RNF10: variants seen among roughly 807,000 people sequenced by gnomAD.
RNF10 encodes ring finger protein 10, also known as E3 ubiquitin-protein ligase RNF10.
Under a neutral mutation model 91.4 loss-of-function variants are expected in RNF10, and 38 were observed. The ratio of observed to expected loss-of-function variants is 0.42; its 90% CI spans 0.32 to 0.54. The LOEUF (loss-of-function observed/expected upper bound fraction) is 0.54, where lower values mean the gene tolerates loss of function less well. RNF10 is among the 20% of genes least tolerant of loss of function. RNF10 has a pLI of 0.16. For synonymous variants in RNF10, 364 were observed against 366.3 expected, an observed-to-expected ratio of 0.99 and a Z score of 0.07; for missense variants, 945 against 1,012.0, an observed-to-expected ratio of 0.93 and a Z score of 0.90.
Position 120,565,340 on chromosome 12 carries a change from A to G in RNF10, c.1784-88A>G, listed in dbSNP as rs769443680. ...CTGTTCATCTAGTCCAGCTGGGCCT[A>G]CTGTTGTGGGTTTAGCTGCTAATAC... is the stretch of plus-strand genomic sequence containing the variant. On this transcript the variant is annotated intron_variant, in intron 11 of 16. Coordinates refer to ENST00000325954, the MANE Select transcript of RNF10 (RefSeq NM_014868.5). The G allele has an allele frequency of 1.1e-5, 14 of 1,283,146 alleles. 1 individual carries two copies. Among genetic ancestry groups the G allele is most frequent in the Middle Eastern group, 1.8e-4 (1 of 5,420 alleles). The allele number at this position is 1,283,146 out of a possible 1,614,324, so 79.5% of individuals were successfully genotyped here.
chr12:120,559,176 C>CTTTTTTTTTTTTTTTT (rs34120761), intron 6 of RNF10, among the ~76,000 whole-genome samples: 1 of 95,808 alleles, frequency 1.0e-5, no homozygotes, highest in African/African-American at 5.5e-5. Flanking sequence ...TTGAACTACT[C>CTTTTTTTTTTTTTTTT]TTTTTTTTTT....
intron 14 of RNF10, among the ~76,000 whole-genome samples, chr12:120,573,516 A>C (rs1354893153): frequency 6.6e-6 from 1 of 152,164 alleles, no homozygotes; most frequent in Non-Finnish European, 1.5e-5. Flanking sequence ...TTCACATGTC[A>C]AACTATTTGG....
intron 1 of RNF10, among the ~76,000 whole-genome samples, chr12:120,545,600 C>T (rs1482107261): frequency 1.3e-5 from 2 of 151,772 alleles, no homozygotes; most frequent in African/African-American, 2.4e-5. Flanking sequence ...TGCTGTGGCA[C>T]GATCTCGGCT....
At chr12:120,564,976 T>C in intron 10 of RNF10, 96 bp from the exon 11 acceptor site, 1 of 770,304 alleles carries the variant, frequency 1.3e-6, no homozygotes, top group Non-Finnish European at 2.3e-6. Flanking sequence ...CAGTGCTGGC[T>C]GTGTTATGTA....
chr12:120,548,153 C>A (rs561001183), intron 2 of RNF10, among the ~76,000 whole-genome samples: 119 of 152,184 alleles, frequency 7.8e-4, no homozygotes, highest in African/African-American at 2.7e-3. Flanking sequence ...TAAAGAACTT[C>A]AGTTTGGAAA....
chr12:120,576,686 C>T lies in RNF10; in HGVS notation c.*20C>T. ...AAGTGACACTACTGGCCCAGGCTAC[C>T]TTCTCCATCTGGTTTTTGTTTTTGT... On this transcript the variant is annotated 3_prime_UTR_variant, in exon 17 of 17. Coordinates refer to ENST00000325954, the MANE Select transcript of RNF10 (RefSeq NM_014868.5). 1 of 1,594,470 alleles carries T rather than the reference C, an allele frequency of 6.3e-7. No homozygotes were observed. Among genetic ancestry groups the T allele is most frequent in the Non-Finnish European group, 8.5e-7 (1 of 1,174,702 alleles).
rs182949599 is a variant in RNF10, at chr12:120,575,273, C to T, written c.2143-358C>T. 101 of 261,640 alleles carry T rather than the reference C, an allele frequency of 3.9e-4. No individual in the cohort carries two copies. In the East Asian group the frequency reaches 7.3e-3, roughly 19 times the overall value. 16.2% of individuals were successfully genotyped at this position (261,640 alleles called of 1,614,324 possible). A position where few individuals can be genotyped will look rare whatever the true frequency, so the allele number is the denominator to read the frequency against. The stretch of plus-strand genomic sequence containing the variant: ...GGAGGGTACTACTCACTGCTTCCTC[C>T]GACAGCTCGATGTTTTTAGGGGTCC... On this transcript the variant is annotated intron_variant, in intron 14 of 16. Transcript: ENST00000325954.
chr12:120,536,147 C>T (rs992511711), intron 1 of RNF10, among the ~76,000 whole-genome samples: 3 of 151,956 alleles, frequency 2.0e-5, no homozygotes, highest in Non-Finnish European at 4.4e-5. Context: ...TGAGACCGGG[C>T]GCGGTGGCTC....
At chr12:120,556,261 G>A (rs573155122) in intron 4 of RNF10, among the ~76,000 whole-genome samples, 4 of 151,618 alleles carry the variant, frequency 2.6e-5, no homozygotes, top group South Asian at 2.1e-4. Flanking sequence ...CTCGCCGGGC[G>A]CGGTGGCTCA....
chr12:120,554,865 G>T, intron 4 of RNF10, 57 bp downstream of exon 4: 1 of 1,355,236 alleles, frequency 7.4e-7, no homozygotes, highest in Non-Finnish European at 1.1e-6. Flanking sequence ...TAAAGGCACT[G>T]TGGTGACGCA....
chr12:120,563,698 G>A (rs1446283104), intron 9 of RNF10, 75 bp downstream of exon 9: 1 of 1,572,098 alleles, frequency 6.4e-7, no homozygotes, highest in Non-Finnish European at 8.6e-7. Flanking sequence ...AAGCAGAGGA[G>A]CGCCACTAGA....
chr12:120,563,249 A>G (rs1593099286), intron 8 of RNF10, 98 bp from the exon 9 acceptor site: 3 of 1,490,498 alleles, frequency 2.0e-6, no homozygotes, highest in East Asian at 2.3e-5. Flanking sequence ...CAGCTAAGAT[A>G]AACATCTAGG....
intron 2 of RNF10, among the ~76,000 whole-genome samples, chr12:120,548,066 G>C (rs1205525515): frequency 1.3e-5 from 2 of 152,174 alleles, no homozygotes; most frequent in African/African-American, 4.8e-5. Flanking sequence ...CCCAATTCAG[G>C]TACCTTTTGC....
intron 2 of RNF10, among the ~76,000 whole-genome samples, chr12:120,550,052 T>G (rs919730441): frequency 6.6e-6 from 1 of 152,190 alleles, no homozygotes; most frequent in African/African-American, 2.4e-5. Flanking sequence ...TCAAGCCATG[T>G]GTGTAATCAT....
intron 4 of RNF10, among the ~76,000 whole-genome samples, chr12:120,556,676 C>G (rs1391057766): frequency 6.7e-6 from 1 of 150,238 alleles, no homozygotes; most frequent in East Asian, 2.0e-4. Flanking sequence ...TTGGAAGTTA[C>G]TGGTAGATTA....
At chr12:120,573,492 TA>T (rs1286442049) in intron 14 of RNF10, among the ~76,000 whole-genome samples, 3 of 152,074 alleles carry the variant, frequency 2.0e-5, no homozygotes, top group African/African-American at 7.3e-5. Context: ...GATTACCTTT[TA>T]AGAGTAAAAC....
At chr12:120,571,089 A>C in intron 13 of RNF10, 102 bp from the exon 14 acceptor site, 1 of 645,440 alleles carries the variant, frequency 1.5e-6, no homozygotes. Context: ...TGAGGGGATG[A>C]TTTGTAATTT....
In RNF10 at chr12:120,542,354, A is replaced by G. The variant is rs999877505; in HGVS notation, c.158-4051A>G. 1.1e-4 allele frequency among the ~76,000 whole-genome samples: 17 copies of G among 152,112 alleles called. No homozygotes were observed. The South Asian group carries it at 2.3e-3, about 20-fold the overall frequency. On this transcript the variant is annotated intron_variant, in intron 1 of 16. Transcript: ENST00000325954. ...TTTTTTGTAGAGATGGGGTCTTGCT[A>G]TGTTGCCCAGGCTGGTCGCAAACTC...
chr12:120,567,742 G>A (rs970853316), intron 13 of RNF10, among the ~76,000 whole-genome samples: 1 of 150,920 alleles, frequency 6.6e-6, no homozygotes, highest in African/African-American at 2.4e-5. Context: ...AGAAGGGAAT[G>A]TAATTCTTCT....
Sources: allele counts gnomAD v4.1 joint callset (sites outside exome capture counted in the v4.1 genomes callset), GRCh38; gene constraint gnomAD v4.1.1; transcripts MANE v1.5; gene names NCBI Gene and HGNC (gene_info 2026-07-23, HGNC 2026-07-21).